The following FREM3 variants were observed in gnomAD, a reference collection of about 807,000 sequenced individuals.
FREM3 encodes FRAS1-related extracellular matrix protein 3.
A neutral mutation model predicts 129.1 loss-of-function variants in FREM3; 105 were observed. The observed-to-expected ratio is 0.81, with a 90% CI of 0.69 to 0.96. The LOEUF (loss-of-function observed/expected upper bound fraction) is 0.96. FREM3 is among the 40% of genes least tolerant of loss of function. FREM3 has a pLI of 0.00. For missense variants in FREM3, 2,593 were observed against 2,666.3 expected, an observed-to-expected ratio of 0.97 and a Z score of 0.61; for synonymous variants, 1,014 against 1,044.9, an observed-to-expected ratio of 0.97 and a Z score of 0.57.
Position 143,637,547 on chromosome 4 carries a change from C to T in FREM3, c.5276-9787G>A, listed in dbSNP as rs74865682. ...CACTTCTATTTATTCAACTGTTCAC[C>T]GGGTCTCCCTGATTGTGCCCTCTTA... On this transcript the variant is annotated intron_variant, in intron 2 of 7. Coordinates refer to ENST00000329798, the MANE Select transcript of FREM3 (RefSeq NM_001168235.2). Among the ~76,000 whole-genome samples, 528 of 152,162 alleles carry T rather than the reference C, an allele frequency of 3.5e-3. 5 individuals are homozygous for T. Among genetic ancestry groups the T allele is most frequent in the African/African-American group, 0.012 (513 of 41,538 alleles).
At chr4:143,675,800 A>G (rs2149857320) in intron 2 of FREM3, among the ~76,000 whole-genome samples, 1 of 152,368 alleles carries the variant, frequency 6.6e-6, no homozygotes, top group East Asian at 1.9e-4. Context: ...GAAGAAATGG[A>G]TAAATTCCTC....
At chr4:143,678,848 TTTA>T (rs1740197271) in intron 2 of FREM3, among the ~76,000 whole-genome samples, 1 of 151,966 alleles carries the variant, frequency 6.6e-6, no homozygotes, top group African/African-American at 2.4e-5. Context: ...TTTGTGCTAG[TTTA>T]TTATATATAT....
chr4:143,629,278 A>T (rs1462842461), intron 2 of FREM3, among the ~76,000 whole-genome samples: 1 of 152,192 alleles, frequency 6.6e-6, no homozygotes, highest in Non-Finnish European at 1.5e-5. Flanking sequence ...AAAGGGAACC[A>T]TGAGCATGGA....
chr4:143,577,405 T>A lies in FREM3; in HGVS notation c.*206A>T. The A allele has an allele frequency of 1.8e-6, 1 of 545,840 alleles. No homozygotes were observed. The highest frequency in any genetic ancestry group is 2.9e-5 in the East Asian group (1 of 34,046). 33.8% of individuals were successfully genotyped at this position (545,840 alleles called of 1,614,324 possible). A position where few individuals can be genotyped will look rare whatever the true frequency, so the allele number is the denominator to read the frequency against. Reference sequence around the variant, plus strand: ...AAAAAGAACATGAACACAGTCTAATTATTTGTGGGCTCAATGTTTTCTAGG... The same window carrying A: ...AAAAAGAACATGAACACAGTCTAATAATTTGTGGGCTCAATGTTTTCTAGG... On this transcript the variant is annotated 3_prime_UTR_variant, in exon 8 of 8. Transcript: ENST00000329798.
intron 2 of FREM3, among the ~76,000 whole-genome samples, chr4:143,648,514 T>TG (rs765791350): frequency 5.3e-5 from 8 of 152,152 alleles, no homozygotes; most frequent in South Asian, 2.1e-4. Context: ...AAGTGAATCA[T>TG]GGGGGGGCAG....
intron 4 of FREM3, among the ~76,000 whole-genome samples, chr4:143,622,403 CTTTTT>C (rs35835336): frequency 2.9e-5 from 4 of 138,860 alleles, no homozygotes; most frequent in African/African-American, 1.1e-4. Context: ...TGGCAATCAT[CTTTTT>C]TTTTTTTTTT....
rs1739747825 is a variant in FREM3 at position 143,662,330 on chromosome 4, C to CTTCAT, written c.5275+30778_5275+30782dup. The stretch of plus-strand genomic sequence containing the variant: ...TTTCAAAGAACATCTTCATTTCTGC[C>CTTCAT]TTCATTTCATTAGTACCCAGTAGTC... On this transcript the variant is annotated intron_variant, in intron 2 of 7. Coordinates refer to ENST00000329798, the MANE Select transcript of FREM3 (RefSeq NM_001168235.2). Among the ~76,000 whole-genome samples the CTTCAT allele has an allele frequency of 2.0e-5, 3 of 152,088 alleles. No individual in the cohort carries two copies. In the South Asian group the frequency reaches 6.2e-4, roughly 32 times the overall value.
chr4:143,636,352 A>G (rs1344288262), intron 2 of FREM3, among the ~76,000 whole-genome samples: 1 of 150,652 alleles, frequency 6.6e-6, no homozygotes, highest in Non-Finnish European at 1.5e-5. Context: ...AAAAAAAAAA[A>G]AGACATGGAG....
rs1225096713 is a variant in FREM3, at chr4:143,699,517, T to C, written c.1159A>G (p.Ile387Val). The stretch of plus-strand genomic sequence containing the variant: ...TTCTCTGCAGGGGGCTGATAGGCAA[T>C]CTTCAGCTCCCTCAGCTCCTGCTGG... Reference protein sequence around the residue: ...FTQQELRELKIAYQPPAENSH... With the variant: ...FTQQELRELKVAYQPPAENSH... Residue 387 changes from isoleucine to valine, a missense_variant, in exon 1 of 8, where the codon ATT (isoleucine) becomes GTT (valine). By Grantham distance (29) the Ile-to-Val change is conservative (BLOSUM62 3). This residue lies in a region of FREM3 where 2,276 missense variants were observed against 2,267.2 expected (regional missense o/e 1.00). Transcript: ENST00000329798. This position sits in a 1 kb window ranked among gnomAD's most constrained non-coding sequence, Gnocchi z 4.2. The C allele has an allele frequency of 6.5e-7, 1 of 1,537,216 alleles. No homozygotes were observed.
chr4:143,681,260 A>G (rs1276711932), intron 2 of FREM3, among the ~76,000 whole-genome samples: 1 of 152,146 alleles, frequency 6.6e-6, no homozygotes, highest in Non-Finnish European at 1.5e-5. Context: ...AGTAAGGAGC[A>G]AATGAAATAA....
chr4:143,590,032 G>A (rs1738327812), intron 6 of FREM3, among the ~76,000 whole-genome samples: 1 of 151,752 alleles, frequency 6.6e-6, no homozygotes, highest in African/African-American at 2.4e-5. Context: ...TCATGATTTG[G>A]CTCTCTGTCT....
chr4:143,588,392 C>G, intron 6 of FREM3, among the ~76,000 whole-genome samples: 1 of 151,658 alleles, frequency 6.6e-6, no homozygotes, highest in East Asian at 2.0e-4. Flanking sequence ...ATCCCTCCCC[C>G]ATCCCCCCAC....
chr4:143,651,602 G>GCA (rs1338285693), intron 2 of FREM3, among the ~76,000 whole-genome samples: 8 of 152,180 alleles, frequency 5.3e-5, no homozygotes, highest in African/African-American at 1.9e-4. Flanking sequence ...TTCAGTGAGT[G>GCA]CTGATTAGTA....
Position 143,696,783 on chromosome 4 carries a change from A to G in FREM3, c.3893T>C (p.Val1298Ala). 6.5e-7 allele frequency: 1 copy of G among 1,537,818 alleles called. No individual in the cohort carries two copies. Among genetic ancestry groups the G allele is most frequent in the East Asian group, 2.4e-5 (1 of 40,912 alleles). The change falls in exon 1 of 8, where the codon GTA (valine) becomes GCA (alanine). Residue 1298 changes from valine (V) to alanine (A), a missense_variant. Val to Ala is a moderately conservative substitution (Grantham distance 64). Around this residue, in one of 2 missense-constraint regions of FREM3, gnomAD observed 2,276 missense variants for 2,267.2 expected, o/e 1.00. Transcript: ENST00000329798. ...AGTTTCATCATCCACTAGGGTCACT[A>G]CAATGGGTACCTTCCTGTGGGTTGT... Reference protein sequence around the residue: ...KHTTHRKVPIVVTLVDDETPH... With the variant: ...KHTTHRKVPIAVTLVDDETPH...
intron 7 of FREM3, 47 bp from the exon 8 acceptor site, chr4:143,577,899 A>C: frequency 6.6e-7 from 1 of 1,503,916 alleles, no homozygotes; most frequent in Non-Finnish European, 8.8e-7. Context: ...GATTTGTCAT[A>C]AGTTTTCCTT....
At chr4:143,648,059 A>G (rs1256303509) in intron 2 of FREM3, among the ~76,000 whole-genome samples, 4 of 152,242 alleles carry the variant, frequency 2.6e-5, no homozygotes, top group Non-Finnish European at 5.9e-5. Flanking sequence ...CACCTCGTGC[A>G]TCAGCATGAC....
intron 2 of FREM3, among the ~76,000 whole-genome samples, chr4:143,676,321 G>A (rs1371086161): frequency 1.3e-5 from 2 of 152,138 alleles, no homozygotes; most frequent in Non-Finnish European, 2.9e-5. Context: ...TGCAGAAAAG[G>A]CCTTTGACAA....
rs768361628 is a variant in FREM3, at chr4:143,697,364, T to A, written c.3312A>T (p.Glu1104Asp). 1 of 1,537,080 alleles carries A rather than the reference T, an allele frequency of 6.5e-7. No homozygotes were observed. The highest frequency in any genetic ancestry group is 2.0e-5 in the Admixed American group (1 of 50,986). ...GCTGACTAGTCACTGTGCAGAGGAG[T>A]TCATCTTGATGAGTGTCCACATCTT... ...HVEDVDTHQDELLCTVTSQPA... is the reference protein window; with the variant it reads ...HVEDVDTHQDDLLCTVTSQPA... Residue 1104 changes from glutamate to aspartate, a missense_variant, in exon 1 of 8, where the codon GAA becomes GAT. By Grantham distance (45) the Glu-to-Asp change is conservative. This residue lies in a region of FREM3 where 2,276 missense variants were observed against 2,267.2 expected (regional missense o/e 1.00). Coordinates refer to ENST00000329798, the MANE Select transcript of FREM3 (RefSeq NM_001168235.2).
intron 5 of FREM3, among the ~76,000 whole-genome samples, chr4:143,616,543 T>C (rs113875845): frequency 0.048 from 7,269 of 152,110 alleles, 465 homozygotes; most frequent in African/African-American, 0.15. Context: ...TCCCAGCACT[T>C]TGGGAGGCCG....
Sources: gnomAD v4.1 joint callset for allele counts (sites outside exome capture counted in the v4.1 genomes callset) on GRCh38, gnomAD v4.1.1 for gene constraint, gnomAD v4.1.1 regional missense constraint, Gnocchi (gnomAD v3.1) non-coding constraint, MANE v1.5 for transcripts, NCBI Gene and HGNC (gene_info 2026-07-23, HGNC 2026-07-21) for gene names.